The following TP53BP1 variants were observed in gnomAD, a reference collection of about 807,000 sequenced individuals.
TP53BP1 encodes tumor protein p53 binding protein 1.
Under a neutral mutation model 200.8 loss-of-function variants are expected in TP53BP1, and 61 were observed. The ratio of observed to expected loss-of-function variants is 0.30; its 90% CI spans 0.25 to 0.38. The LOEUF (loss-of-function observed/expected upper bound fraction) is 0.38. Ranked by LOEUF, TP53BP1 falls within the 10% of genes least tolerant of loss-of-function variation. The pLI, the probability that TP53BP1 is intolerant of heterozygous loss-of-function variation, is 1.00. For missense variants in TP53BP1, 2,144 were observed against 2,371.9 expected (o/e 0.90, Z 2.00); for synonymous variants, 822 against 844.3 (o/e 0.97, Z 0.46).
In TP53BP1 at chr15:43,404,729, G is replaced by GTCA. The variant is rs1200040261; in HGVS notation, c.*2651_*2653dup. 11 of 683,150 alleles carry GTCA rather than the reference G, an allele frequency of 1.6e-5. No homozygotes were observed. The highest frequency in any genetic ancestry group is 1.3e-4 in the South Asian group (6 of 45,092). The allele number at this position is 683,150 out of a possible 1,614,324, so 42.3% of individuals were successfully genotyped here. ...TAATGGAGGTTATTTTCTAGTAGAAGTCATCATCATCATAAAATACTAAAA... is the reference window on the plus strand; with the variant it reads ...TAATGGAGGTTATTTTCTAGTAGAAGTCATCATCATCATCATAAAATACTAAAA... On this transcript the variant is annotated 3_prime_UTR_variant, in exon 28 of 28. Coordinates refer to ENST00000382044, the MANE Select transcript of TP53BP1 (RefSeq NM_001141980.3).
At chr15:43,429,598 C>T (rs2045626168) in intron 17 of TP53BP1, among the ~76,000 whole-genome samples, 1 of 152,092 alleles carries the variant, frequency 6.6e-6, no homozygotes, top group African/African-American at 2.4e-5. Context: ...GTAATTTCTC[C>T]GAATAATCCC....
chr15:43,427,386 AT>A (rs1181291266), intron 18 of TP53BP1, among the ~76,000 whole-genome samples: 2 of 152,256 alleles, frequency 1.3e-5, no homozygotes, highest in African/African-American at 4.8e-5. Flanking sequence ...TCTAAACTCC[AT>A]TTGAGTTTCT....
Position 43,403,959 on chromosome 15 carries a change from T to G in TP53BP1, c.*3424A>C, listed in dbSNP as rs2044768119. The G allele has an allele frequency of 1.6e-6, 1 of 607,446 alleles. No homozygotes were observed. Among genetic ancestry groups the G allele is most frequent in the Admixed American group, 2.7e-5 (1 of 36,812 alleles). 37.6% of individuals were successfully genotyped at this position (607,446 alleles called of 1,614,324 possible). Reference sequence around the variant, plus strand: ...TAAAAATGTTGGTATCAGTTGATTTTGAAGCAGGTAATACTGTGCCACCTC... The same window carrying G: ...TAAAAATGTTGGTATCAGTTGATTTGGAAGCAGGTAATACTGTGCCACCTC... On this transcript the variant is annotated 3_prime_UTR_variant, in exon 28 of 28. Coordinates refer to ENST00000382044, the MANE Select transcript of TP53BP1 (RefSeq NM_001141980.3).
chr15:43,435,267 CAAAAAAA>C (rs377275791), intron 16 of TP53BP1, among the ~76,000 whole-genome samples: 1 of 55,698 alleles, frequency 1.8e-5, no homozygotes, highest in Non-Finnish European at 2.9e-5. Context: ...GACCCCATCT[CAAAAAAA>C]AAAAAAAAAA....
intron 1 of TP53BP1, among the ~76,000 whole-genome samples, chr15:43,508,580 T>A (rs991936271): frequency 1.3e-5 from 2 of 152,188 alleles, no homozygotes; most frequent in African/African-American, 4.8e-5. Context: ...TACAGTGAGC[T>A]ACAATCATGC....
chr15:43,422,687 G>C (rs998238212), intron 18 of TP53BP1, among the ~76,000 whole-genome samples: 2 of 152,132 alleles, frequency 1.3e-5, no homozygotes, highest in Admixed American at 1.3e-4. Context: ...CAATAGAAAA[G>C]TATATGCAAA....
At chr15:43,472,713 G>C (rs371530388) in intron 10 of TP53BP1, among the ~76,000 whole-genome samples, 119 of 152,306 alleles carry the variant, frequency 7.8e-4, no homozygotes, top group African/African-American at 2.8e-3. Context: ...TTATTAATAA[G>C]TCCAGTTCTT....
In TP53BP1 at chr15:43,415,624, G is replaced by A. The variant is rs746063219; in HGVS notation, c.5059C>T (p.Arg1687Ter). 1.2e-6 allele frequency: 2 copies of A among 1,614,082 alleles called. No homozygotes were observed. Among genetic ancestry groups the A allele is most frequent in the South Asian group, 1.1e-5 (1 of 91,088 alleles). Reference protein sequence around the residue: ...TSEEERSPAKRGRKSATVKPG... With the variant: ...TSEEERSPAK ...TTTACTGTGGCAGACTTGCGACCTC[G>A]CTTGGCAGGGGACCGTTCCTCTTCA... The change falls in exon 23 of 28, where the codon CGA (arginine) becomes TGA (stop). Residue 1687 changes from arginine (R) to a stop codon, truncating the protein, a stop_gained. Transcript: ENST00000382044. LOFTEE classifies it high-confidence loss of function.
In TP53BP1 at chr15:43,441,511, TC is replaced by T; in HGVS notation, c.3098+14del. 1 of 1,592,184 alleles carries T rather than the reference TC, an allele frequency of 6.3e-7. No homozygotes were observed. Among genetic ancestry groups the T allele is most frequent in the Non-Finnish European group, 8.6e-7 (1 of 1,160,124 alleles). ...GCTGTGTATTAAACTCTAAATAGCA[TC>T]CAGCTTTGGTTACCTGGCAACAGAC... On this transcript the variant is annotated intron_variant, in intron 15 of 27. Coordinates refer to ENST00000382044, the MANE Select transcript of TP53BP1 (RefSeq NM_001141980.3).
intron 4 of TP53BP1, among the ~76,000 whole-genome samples, chr15:43,482,184 G>A (rs1157267201): frequency 2.0e-5 from 3 of 151,666 alleles, no homozygotes; most frequent in African/African-American, 7.3e-5. Context: ...AGCCGAGATC[G>A]CGCCACTGCA....
At chr15:43,459,448 T>G (rs2046379173) in intron 11 of TP53BP1, among the ~76,000 whole-genome samples, 1 of 152,200 alleles carries the variant, frequency 6.6e-6, no homozygotes, top group African/African-American at 2.4e-5. Context: ...GAATAGATTA[T>G]TCAAAATAAC....
At chr15:43,462,638 AT>A (rs913413930) in intron 11 of TP53BP1, among the ~76,000 whole-genome samples, 3 of 152,082 alleles carry the variant, frequency 2.0e-5, no homozygotes, top group Non-Finnish European at 4.4e-5. Context: ...AGACATATGT[AT>A]TTTTTCCCTT....
intron 7 of TP53BP1, among the ~76,000 whole-genome samples, chr15:43,479,007 T>C (rs1468373828): frequency 6.6e-6 from 1 of 152,202 alleles, no homozygotes; most frequent in Non-Finnish European, 1.5e-5. Flanking sequence ...GCCCAGGAGT[T>C]CGAGACCAGC....
In TP53BP1 at chr15:43,435,905, A is replaced by C. The variant is rs926724110; in HGVS notation, c.3191+2419T>G. The stretch of plus-strand genomic sequence containing the variant: ...GAGACAGCGTTTTACCATGTTGGCC[A>C]GGCTGGTCACTAACTCCTGGCCTCA... On this transcript the variant is annotated intron_variant, in intron 16 of 27. Coordinates refer to ENST00000382044, the MANE Select transcript of TP53BP1 (RefSeq NM_001141980.3). 3.9e-5 allele frequency among the ~76,000 whole-genome samples: 6 copies of C among 152,248 alleles called. No homozygotes were observed. In the East Asian group the frequency reaches 1.2e-3, roughly 29 times the overall value.
intron 4 of TP53BP1, among the ~76,000 whole-genome samples, chr15:43,482,927 C>G (rs1237671904): frequency 1.3e-5 from 2 of 152,078 alleles, no homozygotes; most frequent in African/African-American, 4.8e-5. Context: ...AAGAGTCTGT[C>G]TCCAAAAAAA....
Position 43,456,972 on chromosome 15 carries a change from C to T in TP53BP1, c.1636G>A (p.Glu546Lys). The T allele has an allele frequency of 6.2e-7, 1 of 1,614,178 alleles. No homozygotes were observed. Among genetic ancestry groups the T allele is most frequent in the South Asian group, 1.1e-5 (1 of 91,086 alleles). Reference sequence around the variant, plus strand: ...TCCGTATCCTCAATCTGTGTGTTTTCTCCATCTTCATCAATTCTGTGAGAA... The same window carrying T: ...TCCGTATCCTCAATCTGTGTGTTTTTTCCATCTTCATCAATTCTGTGAGAA... ...LSSHRIDEDG[E>K]NTQIEDTEPM... Residue 546 changes from glutamate to lysine, a missense_variant, in exon 12 of 28, where the codon GAA becomes AAA. Transcript: ENST00000382044.
chr15:43,461,064 G>A (rs1325691437), intron 11 of TP53BP1, among the ~76,000 whole-genome samples: 2 of 150,684 alleles, frequency 1.3e-5, no homozygotes, highest in Admixed American at 1.3e-4. Context: ...AAACACAACA[G>A]CCCTGAAATT....
upstream of TP53BP1, among the ~76,000 whole-genome samples, chr15:43,497,105 A>T (rs2079186352): frequency 1.3e-5 from 2 of 152,222 alleles, no homozygotes. Context: ...TTGTCAAATT[A>T]CCTCATTATC....
chr15:43,448,578 C>T (rs1260847683), intron 12 of TP53BP1, among the ~76,000 whole-genome samples: 1 of 150,312 alleles, frequency 6.7e-6, no homozygotes, highest in East Asian at 2.0e-4. Context: ...CTGGCTCTGT[C>T]GCCCAGGCTG....
Sources: gnomAD v4.1 joint callset for allele counts (sites outside exome capture counted in the v4.1 genomes callset) on GRCh38, gnomAD v4.1.1 for gene constraint, MANE v1.5 for transcripts, NCBI Gene and HGNC (gene_info 2026-07-23, HGNC 2026-07-21) for gene names.